The following MAPK14 variants were observed in gnomAD, a reference collection of about 807,000 sequenced individuals.
MAPK14 encodes mitogen-activated protein kinase 14.
In MAPK14, 16 loss-of-function variants were observed where a neutral mutation model predicts 49.6. That is an observed-to-expected ratio of 0.32 (90% CI 0.22 to 0.49). The LOEUF is 0.49. Among genes scored for constraint, MAPK14 ranks in the 20% least tolerant of loss-of-function variants. The probability of loss-of-function intolerance (pLI) is 0.99; values close to 1 mark genes in which losing one functional copy is unlikely to be tolerated. For synonymous variants in MAPK14, 142 were observed against 158.0 expected (o/e 0.90, Z 0.76); for missense variants, 200 against 441.2 (o/e 0.45, Z 4.90).
rs200485691 is a variant in MAPK14, at chr6:36,075,965, A to G, written c.610+3A>G. On this transcript the variant is annotated splice_donor_region_variant and intron_variant, in intron 7 of 11. Coordinates refer to ENST00000229794, the MANE Select transcript of MAPK14 (RefSeq NM_139012.3). ...CTGGATGCATTACAACCAGACAGGTATTACTCGCCTTGGTTATTTAGGGCC... is the reference window on the plus strand; with the variant it reads ...CTGGATGCATTACAACCAGACAGGTGTTACTCGCCTTGGTTATTTAGGGCC... 17 of 1,614,016 alleles carry G rather than the reference A, an allele frequency of 1.1e-5. No individual in the cohort carries two copies. The African/African-American group carries it at 1.5e-4, about 14-fold the overall frequency.
intron 6 of MAPK14, 38 bp from the exon 7 acceptor site, chr6:36,075,810 A>G (rs1764510144): frequency 6.2e-7 from 1 of 1,612,594 alleles, no homozygotes; most frequent in Admixed American, 1.7e-5. Context: ...CCTGTTTCTA[A>G]GTCTTAGCAG....
intron 10 of MAPK14, among the ~76,000 whole-genome samples, chr6:36,105,646 G>T (rs188801783): frequency 1.6e-3 from 247 of 152,214 alleles, no homozygotes; most frequent in African/African-American, 5.3e-3. Context: ...ATTGACACAT[G>T]AATATTTACT....
intron 3 of MAPK14, among the ~76,000 whole-genome samples, chr6:36,062,081 A>G (rs747924363): frequency 3.3e-5 from 5 of 152,036 alleles, no homozygotes; most frequent in Non-Finnish European, 5.9e-5. Flanking sequence ...AGCTCATGCA[A>G]TCCTCCCACC....
In MAPK14 at chr6:36,028,167, G is replaced by A. The variant is rs1762383049; in HGVS notation, c.10G>A (p.Glu4Lys). The change falls in exon 1 of 12, where the codon GAG becomes AAG. Residue 4 changes from glutamate to lysine, a missense_variant. Glu to Lys is a moderately conservative substitution (Grantham distance 56, BLOSUM62 1). Around this residue, in one of 2 missense-constraint regions of MAPK14, gnomAD observed 30 missense variants for 34.2 expected, o/e 0.88. Coordinates refer to ENST00000229794, the MANE Select transcript of MAPK14 (RefSeq NM_139012.3). This position sits in a 1 kb window ranked among gnomAD's most constrained non-coding sequence, Gnocchi z 5.1. ...CGGCTGCCGCTGGAAAATGTCTCAGGAGAGGCCCACGTTCTACCGGCAGGA... is the reference window on the plus strand; with the variant it reads ...CGGCTGCCGCTGGAAAATGTCTCAGAAGAGGCCCACGTTCTACCGGCAGGA... MSQ[E>K]RPTFYRQELN... The A allele has an allele frequency of 6.2e-7, 1 of 1,612,908 alleles. No homozygotes were observed.
intron 8 of MAPK14, among the ~76,000 whole-genome samples, chr6:36,080,955 C>T (rs72924954): frequency 1.3e-3 from 195 of 151,916 alleles, no homozygotes; most frequent in Non-Finnish European, 2.3e-3. Context: ...TTTTCATCTG[C>T]TTATTGGCCA....
At chr6:36,069,722 C>G (rs989609820) in intron 3 of MAPK14, among the ~76,000 whole-genome samples, 1 of 152,288 alleles carries the variant, frequency 6.6e-6, no homozygotes, top group Middle Eastern at 3.4e-3. Flanking sequence ...CTCTCTCTCT[C>G]TCTCTGTTGC....
At chr6:36,051,273 G>A (rs946628860) in intron 1 of MAPK14, among the ~76,000 whole-genome samples, 5 of 151,994 alleles carry the variant, frequency 3.3e-5, no homozygotes, top group South Asian at 4.2e-4. Context: ...CTGCCACTGC[G>A]CCTAATTTTG....
At chr6:36,117,554 AT>A in the MAPK14 span, among the ~76,000 whole-genome samples, 1 of 152,194 alleles carries the variant, frequency 6.6e-6, no homozygotes, top group African/African-American at 2.4e-5. Context: ...GGTGGCACTG[AT>A]TACACTGCTT....
chr6:36,032,227 A>G (rs752314769), intron 1 of MAPK14, among the ~76,000 whole-genome samples: 6 of 152,194 alleles, frequency 3.9e-5, no homozygotes, highest in Non-Finnish European at 8.8e-5. Flanking sequence ...TTTTAAGCCT[A>G]TATTATTTTA....
Position 36,076,589 on chromosome 6 carries a change from A to G in MAPK14, c.663A>G (p.Thr221=), listed in dbSNP as rs765566668. The G allele has an allele frequency of 8.1e-6, 13 of 1,613,766 alleles. No individual in the cohort carries two copies. Among genetic ancestry groups the G allele is most frequent in the Admixed American group, 6.7e-5 (4 of 60,000 alleles). Residue 221 remains threonine (T), a synonymous_variant, in exon 8 of 12, where the codon ACA becomes ACG. Transcript: ENST00000229794. ...CIMAELLTGR[T]LFPGTDHIDQ... is the part of the protein sequence containing the mutation. Reference sequence around the variant, plus strand: ...TGGCCGAGCTGTTGACTGGAAGAACATTGTTTCCTGGTACAGACCGTATCC... The same window carrying G: ...TGGCCGAGCTGTTGACTGGAAGAACGTTGTTTCCTGGTACAGACCGTATCC...
intron 3 of MAPK14, among the ~76,000 whole-genome samples, chr6:36,066,016 G>A (rs977120867): frequency 4.7e-4 from 72 of 152,218 alleles, no homozygotes; most frequent in African/African-American, 1.6e-3. Flanking sequence ...AGGGTCTTAT[G>A]CTTATGAGTG....
At chr6:36,105,586 A>G (rs60458591) in intron 10 of MAPK14, among the ~76,000 whole-genome samples, 4,948 of 152,308 alleles carry the variant, frequency 0.032, 229 homozygotes, top group African/African-American at 0.11. Flanking sequence ...ATATATATAT[A>G]TAATCCAGGC....
intron 1 of MAPK14, chr6:36,029,181 G>A (rs796770146): frequency 1.3e-5 from 2 of 152,190 alleles, no homozygotes; most frequent in African/African-American, 4.8e-5. Context: ...TATTTTTTGA[G>A]ATAATTCCTG....
At position 36,110,173 on chromosome 6, in the gene MAPK14, G is replaced by T. The variant is rs201825216; in HGVS notation, c.*1726G>T. The T allele has an allele frequency of 6.6e-6, 1 of 152,172 alleles. No individual in the cohort carries two copies. The highest frequency in any genetic ancestry group is 6.5e-5 in the Admixed American group (1 of 15,276). The allele number at this position is 152,172 out of a possible 1,614,324, so 9.4% of individuals were successfully genotyped here. The stretch of plus-strand genomic sequence containing the variant: ...ATAAGAAAGTATAAAGTCACTTCCA[G>T]TGTTGGCTGTGTGACAGAATCTTGT... On this transcript the variant is annotated 3_prime_UTR_variant, in exon 12 of 12. Coordinates refer to ENST00000229794, the MANE Select transcript of MAPK14 (RefSeq NM_139012.3).
chr6:36,051,538 A>C (rs1763397206), intron 1 of MAPK14, among the ~76,000 whole-genome samples: 1 of 152,162 alleles, frequency 6.6e-6, no homozygotes, highest in African/African-American at 2.4e-5. Context: ...CTACCCACAC[A>C]GCCTTTCTGT....
intron 8 of MAPK14, among the ~76,000 whole-genome samples, chr6:36,079,362 C>T (rs1350625682): frequency 6.6e-6 from 1 of 152,146 alleles, no homozygotes; most frequent in Non-Finnish European, 1.5e-5. Flanking sequence ...AGACATGCAC[C>T]TGTCACTTAT....
intron 1 of MAPK14, among the ~76,000 whole-genome samples, chr6:36,033,444 A>G (rs1377449399): frequency 6.6e-6 from 1 of 151,950 alleles, no homozygotes; most frequent in Non-Finnish European, 1.5e-5. Context: ...AGCCTCCTGA[A>G]TAGCTGAGAT....
chr6:36,091,335 GTTCTT>G (rs1413460073), intron 8 of MAPK14, among the ~76,000 whole-genome samples: 1 of 151,586 alleles, frequency 6.6e-6, no homozygotes, highest in African/African-American at 2.4e-5. Context: ...GGCTTAAGTT[GTTCTT>G]TTCTTCATTT....
At position 36,110,395 on chromosome 6, in the gene MAPK14, C is replaced by A. The variant is rs1765930745; in HGVS notation, c.*1948C>A. ...AGGCCTCATCTCCTTTATTGCAGTT[C>A]AAATCCTCACCATCCACAGCAAGAT... On this transcript the variant is annotated 3_prime_UTR_variant, in exon 12 of 12. Coordinates refer to ENST00000229794, the MANE Select transcript of MAPK14 (RefSeq NM_139012.3). 1 of 152,650 alleles carries A rather than the reference C, an allele frequency of 6.6e-6. No individual in the cohort carries two copies. The allele number at this position is 152,650 out of a possible 1,614,324, so 9.5% of individuals were successfully genotyped here.
Sources: gnomAD v4.1 joint callset for allele counts (sites outside exome capture counted in the v4.1 genomes callset) on GRCh38, gnomAD v4.1.1 for gene constraint, gnomAD v4.1.1 regional missense constraint, Gnocchi (gnomAD v3.1) non-coding constraint, MANE v1.5 for transcripts, NCBI Gene and HGNC (gene_info 2026-07-23, HGNC 2026-07-21) for gene names.